LCLAT1: variants seen among roughly 807,000 people sequenced by gnomAD.
The protein encoded by LCLAT1 is 1-AGP acyltransferase 8.
In LCLAT1, 11 loss-of-function variants were observed where a neutral mutation model predicts 30.7. The observed-to-expected ratio is 0.36, with a 90% CI of 0.23 to 0.59. The LOEUF (loss-of-function observed/expected upper bound fraction) is 0.59, where lower values mean the gene tolerates loss of function less well. Among genes scored for constraint, LCLAT1 ranks in the 20% least tolerant of loss-of-function variants. The probability of loss-of-function intolerance (pLI) is 0.77; values close to 1 mark genes in which losing one functional copy is unlikely to be tolerated. For missense variants in LCLAT1, 402 were observed against 458.6 expected (o/e 0.88, Z 1.13); for synonymous variants, 155 against 151.3 (o/e 1.02, Z -0.18).
intron 4 of LCLAT1, among the ~76,000 whole-genome samples, chr2:30,566,396 C>G (rs921447684): frequency 3.0e-4 from 46 of 152,008 alleles, no homozygotes; most frequent in African/African-American, 1.1e-3. Context: ...GTTTTGTAGC[C>G]CCATGCCCAG....
At chr2:30,451,215 C>T (rs548788116) in intron 1 of LCLAT1, among the ~76,000 whole-genome samples, 2 of 152,204 alleles carry the variant, frequency 1.3e-5, no homozygotes, top group South Asian at 4.2e-4. Flanking sequence ...ATGGACAGTG[C>T]CGGTGTTGAC....
intron 1 of LCLAT1, among the ~76,000 whole-genome samples, chr2:30,485,623 G>A (rs1157322775): frequency 6.6e-6 from 1 of 151,850 alleles, no homozygotes; most frequent in African/African-American, 2.4e-5. Context: ...TCTCATAGTT[G>A]AATGATGACA....
At chr2:30,455,666 GA>G (rs1409518004) in intron 1 of LCLAT1, among the ~76,000 whole-genome samples, 2 of 152,100 alleles carry the variant, frequency 1.3e-5, no homozygotes, top group Admixed American at 1.3e-4. Context: ...CTGGGAGCCT[GA>G]AACCATCCTC....
chr2:30,518,234 C>T (rs545953145), intron 1 of LCLAT1, among the ~76,000 whole-genome samples: 17 of 152,256 alleles, frequency 1.1e-4, no homozygotes, highest in South Asian at 8.3e-4. Context: ...GATTTCCTAA[C>T]GGGATTTAAA....
chr2:30,515,633 A>G (rs1685144395), intron 1 of LCLAT1, among the ~76,000 whole-genome samples: 1 of 152,222 alleles, frequency 6.6e-6, no homozygotes, highest in South Asian at 2.1e-4. Flanking sequence ...AGGATTATCT[A>G]CAGTTCACTT....
At chr2:30,568,200 C>A in intron 5 of LCLAT1, 24 bp downstream of exon 5, 1 of 1,378,216 alleles carries the variant, frequency 7.3e-7, no homozygotes, top group Non-Finnish European at 1.0e-6. Flanking sequence ...TCAAAATGTA[C>A]TTTTTAATAA....
intron 5 of LCLAT1, among the ~76,000 whole-genome samples, chr2:30,638,572 A>T (rs1669145560): frequency 6.6e-6 from 1 of 152,244 alleles, no homozygotes; most frequent in African/African-American, 2.4e-5. Context: ...AGAAAGTAAC[A>T]TTCAGAGACT....
At chr2:30,586,312 C>T (rs939218181) in intron 5 of LCLAT1, among the ~76,000 whole-genome samples, 3 of 150,288 alleles carry the variant, frequency 2.0e-5, no homozygotes, top group Non-Finnish European at 4.4e-5. Flanking sequence ...AACCTGAAAT[C>T]AAGGTATTGG....
At chr2:30,477,848 C>T (rs550678900) in intron 1 of LCLAT1, among the ~76,000 whole-genome samples, 6 of 152,116 alleles carry the variant, frequency 3.9e-5, no homozygotes, top group Non-Finnish European at 8.8e-5. Context: ...TCCTACCTGA[C>T]TCTGTGCCCG....
intron 3 of LCLAT1, among the ~76,000 whole-genome samples, chr2:30,537,424 GAAA>G (rs1009474107): frequency 6.7e-6 from 1 of 149,256 alleles, no homozygotes; most frequent in Non-Finnish European, 1.5e-5. Context: ...TTAAAAAAAA[GAAA>G]AAAAACCTAC....
At chr2:30,487,270 C>G (rs1381786375) in intron 1 of LCLAT1, among the ~76,000 whole-genome samples, 1 of 152,204 alleles carries the variant, frequency 6.6e-6, no homozygotes, top group East Asian at 1.9e-4. Context: ...AGCATAGATA[C>G]TGGAGTCTGC....
At chr2:30,469,257 AT>A (rs145122614) in intron 1 of LCLAT1, among the ~76,000 whole-genome samples, 8 of 148,092 alleles carry the variant, frequency 5.4e-5, no homozygotes, top group South Asian at 4.3e-4. Flanking sequence ...AGTCCAGTTG[AT>A]TTTTTTTTTC....
Position 30,521,489 on chromosome 2 carries a change from C to CTTTTTTTTTTTTTTTTTTTTTTTTT in LCLAT1, c.-4-4096_-4-4095insTTTTTTTTTTTTTTTTTTTTTTTTT, listed in dbSNP as rs1262784785. ...GTTTCCTCAACCCCCTAAACTACTT[C>CTTTTTTTTTTTTTTTTTTTTTTTTT]TTCTTTTTTTTTTTTTTTTTTTTTT... On this transcript the variant is annotated intron_variant, in intron 1 of 5. Transcript: ENST00000379509. 5.4e-5 allele frequency among the ~76,000 whole-genome samples: 3 copies of CTTTTTTTTTTTTTTTTTTTTTTTTT among 55,564 alleles called. 1 individual carries two copies. Among genetic ancestry groups the CTTTTTTTTTTTTTTTTTTTTTTTTT allele is most frequent in the Non-Finnish European group, 9.6e-5 (3 of 31,276 alleles). 36.5% of individuals were successfully genotyped at this position (55,564 alleles called of 152,430 possible). A position where few individuals can be genotyped will look rare whatever the true frequency, so the allele number is the denominator to read the frequency against.
chr2:30,613,473 G>C (rs939582733), intron 5 of LCLAT1, among the ~76,000 whole-genome samples: 1 of 152,070 alleles, frequency 6.6e-6, no homozygotes, highest in African/African-American at 2.4e-5. Context: ...AGGTGGAAGT[G>C]TAGGGGTGGG....
intron 1 of LCLAT1, among the ~76,000 whole-genome samples, chr2:30,484,965 T>A (rs2148316903): frequency 6.6e-6 from 1 of 152,280 alleles, no homozygotes; most frequent in South Asian, 2.1e-4. Flanking sequence ...GTGTGTTAAA[T>A]TTTTTAAAAA....
At chr2:30,587,044 A>G (rs1440079485) in intron 5 of LCLAT1, among the ~76,000 whole-genome samples, 1 of 152,172 alleles carries the variant, frequency 6.6e-6, no homozygotes, top group East Asian at 1.9e-4. Flanking sequence ...AGATTCCGCT[A>G]AACCTGAACA....
At chr2:30,497,325 C>T (rs866680) in intron 1 of LCLAT1, among the ~76,000 whole-genome samples, 2 of 152,098 alleles carry the variant, frequency 1.3e-5, no homozygotes, top group South Asian at 2.1e-4. Flanking sequence ...GTGGAATTTT[C>T]GTAGCTTAAC....
At chr2:30,465,952 CTAA>C (rs780679148) in intron 1 of LCLAT1, among the ~76,000 whole-genome samples, 6 of 151,392 alleles carry the variant, frequency 4.0e-5, no homozygotes, top group South Asian at 2.1e-4. Flanking sequence ...GATTATATAA[CTAA>C]TGTTACAATT....
chr2:30,453,120 C>G (rs955301758), intron 1 of LCLAT1, among the ~76,000 whole-genome samples: 1 of 152,140 alleles, frequency 6.6e-6, no homozygotes, highest in Non-Finnish European at 1.5e-5. Context: ...AAATAAGAGA[C>G]CACATCTGTT....
Sources: allele counts gnomAD v4.1 joint callset (sites outside exome capture counted in the v4.1 genomes callset), GRCh38; gene constraint gnomAD v4.1.1; transcripts MANE v1.5; gene names NCBI Gene and HGNC (gene_info 2026-07-23, HGNC 2026-07-21).